ST6GAL1: variants seen among roughly 807,000 people sequenced by gnomAD.
The protein encoded by ST6GAL1 is ST6 beta-galactoside alpha-2,6-sialyltransferase 1, also known as beta-galactoside alpha-2,6-sialyltransferase 1.
A neutral mutation model predicts 38.0 loss-of-function variants in ST6GAL1; 20 were observed. That is an observed-to-expected ratio of 0.53 (90% confidence interval 0.37 to 0.77). The LOEUF is 0.77. ST6GAL1 is among the 30% of genes least tolerant of loss of function. The pLI, the probability that ST6GAL1 is intolerant of heterozygous loss-of-function variation, is 0.00. For synonymous variants in ST6GAL1, 196 were observed against 188.2 expected (o/e 1.04, Z -0.34); for missense variants, 432 against 496.4 (o/e 0.87, Z 1.23).
chr3:187,054,323 CT>C (rs1300565161), intron 5 of ST6GAL1, among the ~76,000 whole-genome samples: 2 of 152,216 alleles, frequency 1.3e-5, no homozygotes, highest in Non-Finnish European at 2.9e-5. Flanking sequence ...CTGGCCAGAA[CT>C]TCCAACACTA....
chr3:187,071,692 G>A lies in ST6GAL1; in HGVS notation c.706-1157G>A, dbSNP rs796306764. 1.8e-4 allele frequency among the ~76,000 whole-genome samples: 27 copies of A among 150,262 alleles called. 2 individuals carry two copies. Among genetic ancestry groups the A allele is most frequent in the African/African-American group, 5.9e-4 (24 of 40,778 alleles). On this transcript the variant is annotated intron_variant, in intron 5 of 7. Coordinates refer to ENST00000169298, the MANE Select transcript of ST6GAL1 (RefSeq NM_173216.2). ...GGAGAATGGCGTGAACCCGGGAGGC[G>A]GAGCCTGCAGTGAGCCGAGATCACG...
intron 2 of ST6GAL1, chr3:186,964,347 CATT>C (rs578174781): frequency 1.0e-3 from 155 of 152,218 alleles, no homozygotes; most frequent in African/African-American, 3.6e-3. Flanking sequence ...CAGAGTGAAA[CATT>C]ATGCAGAGAG....
At chr3:187,066,688 G>A (rs1456349487) in intron 5 of ST6GAL1, among the ~76,000 whole-genome samples, 1 of 152,000 alleles carries the variant, frequency 6.6e-6, no homozygotes, top group Non-Finnish European at 1.5e-5. Flanking sequence ...TTCTAACTGA[G>A]AAGGTTACTT....
chr3:187,027,595 C>T (rs1478568886), intron 2 of ST6GAL1, among the ~76,000 whole-genome samples: 1 of 152,026 alleles, frequency 6.6e-6, no homozygotes, highest in Non-Finnish European at 1.5e-5. Flanking sequence ...TTTATTCCGG[C>T]CCCCCTTCTT....
Position 187,042,664 on chromosome 3 carries a change from CT to C in ST6GAL1, c.-39del. The C allele has an allele frequency of 2.6e-6, 4 of 1,541,794 alleles. No homozygotes were observed. The South Asian group carries it at 5.1e-5, about 20-fold the overall frequency. On this transcript the variant is annotated 5_prime_UTR_variant, in exon 4 of 8. Transcript: ENST00000169298. The stretch of plus-strand genomic sequence containing the variant: ...TCTCACTTTTTTTAGGCTTGTTTTC[CT>C]GCTCAGAACAAAGTGACTTCCCTGA...
intron 2 of ST6GAL1, among the ~76,000 whole-genome samples, chr3:186,993,816 C>A (rs902449589): frequency 6.6e-6 from 1 of 152,042 alleles, no homozygotes; most frequent in African/African-American, 2.4e-5. Context: ...AATCAACCCA[C>A]AGCATTACTC....
At chr3:186,962,643 G>A (rs1714971685) in intron 1 of ST6GAL1, among the ~76,000 whole-genome samples, 1 of 152,174 alleles carries the variant, frequency 6.6e-6, no homozygotes, top group East Asian at 1.9e-4. Flanking sequence ...GAAGAATTTG[G>A]AAGCTCTTTG....
chr3:187,066,778 C>T lies in ST6GAL1; in HGVS notation c.706-6071C>T, dbSNP rs150535590. ...AGATGTTCCCCAGGGCTCTGCTGCT[C>T]TGCCAATGACTTATTCTCAGCATGA... is the stretch of plus-strand genomic sequence containing the variant. On this transcript the variant is annotated intron_variant, in intron 5 of 7. Transcript: ENST00000169298. Among the ~76,000 whole-genome samples the T allele has an allele frequency of 2.6e-5, 4 of 152,252 alleles. No homozygotes were observed. The East Asian group carries it at 7.7e-4, about 29-fold the overall frequency.
intron 2 of ST6GAL1, among the ~76,000 whole-genome samples, chr3:187,002,832 G>C (rs1317608194): frequency 6.6e-6 from 1 of 152,088 alleles, no homozygotes; most frequent in Non-Finnish European, 1.5e-5. Flanking sequence ...AAAAGCACAG[G>C]TTCACAAATT....
At chr3:186,985,752 G>A (rs777543607) in intron 2 of ST6GAL1, among the ~76,000 whole-genome samples, 13 of 149,298 alleles carry the variant, frequency 8.7e-5, no homozygotes, top group Non-Finnish European at 1.8e-4. Flanking sequence ...TCCAGCCTGG[G>A]TGGCAGAGTG....
chr3:187,016,132 C>T (rs1210287934), intron 2 of ST6GAL1, among the ~76,000 whole-genome samples: 1 of 152,182 alleles, frequency 6.6e-6, no homozygotes, highest in African/African-American at 2.4e-5. Flanking sequence ...GCCGCAGACC[C>T]AGCAGGTGCT....
chr3:187,020,794 C>CT (rs1239390212), intron 2 of ST6GAL1, among the ~76,000 whole-genome samples: 1 of 152,166 alleles, frequency 6.6e-6, no homozygotes, highest in African/African-American at 2.4e-5. Flanking sequence ...GTGAGTGGCC[C>CT]TGAGGCAGTT....
chr3:187,047,541 A>AT (rs1408011700), intron 4 of ST6GAL1, among the ~76,000 whole-genome samples: 3 of 151,962 alleles, frequency 2.0e-5, no homozygotes, highest in Admixed American at 2.0e-4. Context: ...TGATGCATTT[A>AT]TTTTTTCTTC....
At chr3:187,050,381 C>T (rs932926121) in intron 4 of ST6GAL1, among the ~76,000 whole-genome samples, 4 of 152,220 alleles carry the variant, frequency 2.6e-5, no homozygotes, top group South Asian at 2.1e-4. Context: ...GATAGGTCAA[C>T]GTGGGGTAGA....
At chr3:186,966,288 C>T (rs1715112963) in intron 2 of ST6GAL1, among the ~76,000 whole-genome samples, 1 of 152,154 alleles carries the variant, frequency 6.6e-6, no homozygotes. Context: ...CATGATGGTT[C>T]CCGGCACAGT....
chr3:187,007,144 G>A (rs151319701), intron 2 of ST6GAL1, among the ~76,000 whole-genome samples: 3 of 152,322 alleles, frequency 2.0e-5, no homozygotes, highest in East Asian at 3.9e-4. Flanking sequence ...AATGACTCAC[G>A]ATGAACATGG....
At chr3:187,039,581 G>C (rs1254347035) in intron 3 of ST6GAL1, among the ~76,000 whole-genome samples, 1 of 152,228 alleles carries the variant, frequency 6.6e-6, no homozygotes, top group African/African-American at 2.4e-5. Context: ...AGGAGAAAGA[G>C]TGCAGCAGTG....
rs536161050 is a variant in ST6GAL1, at chr3:186,956,558, C to A, written c.-324-7227C>A. Among the ~76,000 whole-genome samples, 16 of 152,346 alleles carry A rather than the reference C, an allele frequency of 1.1e-4. No homozygotes were observed. In the South Asian group the frequency reaches 3.3e-3, roughly 32 times the overall value. ...CACCAGCGAGGCCTCTCGCTGCTCC[C>A]AGCACTTTTTCTGCTTCTGTCACAC... is the stretch of plus-strand genomic sequence containing the variant. On this transcript the variant is annotated intron_variant, in intron 1 of 7. Coordinates refer to ENST00000169298, the MANE Select transcript of ST6GAL1 (RefSeq NM_173216.2).
chr3:187,068,139 A>G (rs553245593), intron 5 of ST6GAL1, among the ~76,000 whole-genome samples: 28 of 152,148 alleles, frequency 1.8e-4, no homozygotes, highest in Non-Finnish European at 3.2e-4. Context: ...TCAGGAGATC[A>G]AGACCATCCT....
Sources: allele counts gnomAD v4.1 joint callset (sites outside exome capture counted in the v4.1 genomes callset), GRCh38; gene constraint gnomAD v4.1.1; transcripts MANE v1.5; gene names NCBI Gene and HGNC (gene_info 2026-07-23, HGNC 2026-07-21).